GAB4: variants seen among roughly 807,000 people sequenced by gnomAD.
GAB4 encodes the protein GRB2-associated-binding protein 4.
In GAB4, 26 loss-of-function variants were observed where a neutral mutation model predicts 51.3. The ratio of observed to expected loss-of-function variants is 0.51; its 90% CI spans 0.37 to 0.70. GAB4 has a LOEUF of 0.70. Ranked by LOEUF, GAB4 falls within the 30% of genes least tolerant of loss-of-function variation. The probability of loss-of-function intolerance (pLI) is 0.00; values close to 1 mark genes in which losing one functional copy is unlikely to be tolerated. For missense variants in GAB4, 759 were observed against 734.6 expected, an observed-to-expected ratio of 1.03 and a Z score of -0.38; for synonymous variants, 329 against 291.2, an observed-to-expected ratio of 1.13 and a Z score of -1.32.
chr22:16,967,208 A>C (rs1383507466), intron 5 of GAB4: 2 of 152,432 alleles, frequency 1.3e-5, no homozygotes, highest in Non-Finnish European at 2.9e-5. Flanking sequence ...GCCGTGCACC[A>C]TGCAGGTGTG....
chr22:16,968,996 C>G (rs1301693439), intron 4 of GAB4, among the ~76,000 whole-genome samples: 2 of 152,126 alleles, frequency 1.3e-5, no homozygotes, highest in African/African-American at 2.4e-5. Flanking sequence ...TCTCTCATAA[C>G]AGGAAGAATA....
At chr22:17,003,888 T>C (rs1184901926) in intron 1 of GAB4, among the ~76,000 whole-genome samples, 1 of 152,016 alleles carries the variant, frequency 6.6e-6, no homozygotes, top group Non-Finnish European at 1.5e-5. Context: ...GTTTAGGAGC[T>C]GTTTTTTAAA....
At chr22:16,999,895 T>C (rs747530014) in intron 1 of GAB4, among the ~76,000 whole-genome samples, 5 of 152,226 alleles carry the variant, frequency 3.3e-5, no homozygotes, top group Non-Finnish European at 5.9e-5. Flanking sequence ...CTTTTTGTTA[T>C]GTACCCAGTA....
chr22:16,970,312 G>A (rs779671703), intron 3 of GAB4, 119 bp from the exon 4 acceptor site: 2 of 1,136,204 alleles, frequency 1.8e-6, no homozygotes, highest in Non-Finnish European at 2.5e-6. Flanking sequence ...AACACAGGAA[G>A]AGGAATTGGG....
intron 1 of GAB4, among the ~76,000 whole-genome samples, chr22:17,002,690 G>C (rs1242121026): frequency 1.3e-5 from 2 of 152,126 alleles, no homozygotes; most frequent in African/African-American, 4.8e-5. Flanking sequence ...TGGGGGCGAG[G>C]GGGGAGGGAT....
chr22:16,967,124 A>G (rs1210436684), intron 5 of GAB4: 1 of 152,226 alleles, frequency 6.6e-6, no homozygotes, highest in Non-Finnish European at 1.5e-5. Context: ...TGACAAATCT[A>G]TGGGATAAAA....
chr22:16,968,379 G>A lies in GAB4; in HGVS notation c.942C>T (p.Ser314=). ...LTGSEADNEA[S]SGKYTQHGGG... The stretch of plus-strand genomic sequence containing the variant: ...CACCATGCTGGGTGTACTTGCCGGA[G>A]GAAGCTACGACAGAGGAAGGAGATC... The change falls in exon 5 of 10, where the codon TCC becomes TCT. Residue 314 remains serine (S), a synonymous_variant. Transcript: ENST00000400588. 1.2e-6 allele frequency: 2 copies of A among 1,613,548 alleles called. No individual in the cohort carries two copies. The highest frequency in any genetic ancestry group is 1.7e-6 in the Non-Finnish European group (2 of 1,179,494).
At chr22:16,968,746 A>G (rs1196920409) in intron 4 of GAB4, among the ~76,000 whole-genome samples, 2 of 152,224 alleles carry the variant, frequency 1.3e-5, no homozygotes, top group Non-Finnish European at 2.9e-5. Context: ...TATTTTACAC[A>G]TAAATGTGAG....
chr22:16,972,996 C>G (rs1169981019), intron 3 of GAB4, among the ~76,000 whole-genome samples: 1 of 152,228 alleles, frequency 6.6e-6, no homozygotes, highest in African/African-American at 2.4e-5. Context: ...GCGTGCTCCT[C>G]TCAGTGACAC....
intron 3 of GAB4, among the ~76,000 whole-genome samples, chr22:16,979,340 TA>T (rs2060807877): frequency 6.6e-6 from 1 of 152,126 alleles, no homozygotes. Flanking sequence ...AGTCTCAGAA[TA>T]AAAAATCCAC....
At chr22:16,985,307 G>A (rs2060858463) in intron 3 of GAB4, among the ~76,000 whole-genome samples, 1 of 152,190 alleles carries the variant, frequency 6.6e-6, no homozygotes, top group Non-Finnish European at 1.5e-5. Flanking sequence ...CTGTTTCTAT[G>A]TACTGAGTTC....
intron 3 of GAB4, among the ~76,000 whole-genome samples, chr22:16,981,264 A>G (rs2060825487): frequency 6.6e-6 from 1 of 151,526 alleles, no homozygotes; most frequent in Non-Finnish European, 1.5e-5. Flanking sequence ...ACCCCAAATT[A>G]GAAGGAAATA....
intron 3 of GAB4, among the ~76,000 whole-genome samples, chr22:16,985,306 T>C (rs1351698819): frequency 6.6e-6 from 1 of 152,358 alleles, no homozygotes; most frequent in African/African-American, 2.4e-5. Flanking sequence ...TCTGTTTCTA[T>C]GTACTGAGTT....
chr22:16,989,057 A>G (rs1601278329), intron 2 of GAB4, among the ~76,000 whole-genome samples: 1 of 152,186 alleles, frequency 6.6e-6, no homozygotes, highest in East Asian at 1.9e-4. Context: ...TGCCCAGTCC[A>G]CGGGTTTTTG....
At chr22:16,963,873 C>G in intron 8 of GAB4, 44 bp from the exon 9 acceptor site, 1 of 1,477,880 alleles carries the variant, frequency 6.8e-7, no homozygotes. Context: ...GTTCAGGACA[C>G]AGACCCAGCA....
chr22:16,968,258 C>A, intron 5 of GAB4, 40 bp downstream of exon 5: 1 of 1,407,358 alleles, frequency 7.1e-7, no homozygotes, highest in Non-Finnish European at 1.0e-6. Flanking sequence ...CCTTTACCTC[C>A]CTGAGCCAGT....
At chr22:16,990,976 C>G (rs541573383) in intron 2 of GAB4, among the ~76,000 whole-genome samples, 2 of 151,940 alleles carry the variant, frequency 1.3e-5, no homozygotes, top group African/African-American at 4.8e-5. Context: ...ATGGTTTTTA[C>G]ATTTTCAAAG....
chr22:16,999,861 A>G (rs530175063), intron 1 of GAB4, among the ~76,000 whole-genome samples: 1 of 152,284 alleles, frequency 6.6e-6, no homozygotes, highest in East Asian at 1.9e-4. Flanking sequence ...CATTGGTTTC[A>G]AAGAACATCT....
chr22:16,977,889 A>C lies in GAB4; in HGVS notation c.687-7696T>G, dbSNP rs137938716. ...GATTAAGAAACTCACTCAAAAATGCACAACTACATGGAAACTGAACAACCT... is the reference window on the plus strand; with the variant it reads ...GATTAAGAAACTCACTCAAAAATGCCCAACTACATGGAAACTGAACAACCT... On this transcript the variant is annotated intron_variant, in intron 3 of 9. Coordinates refer to ENST00000400588, the MANE Select transcript of GAB4 (RefSeq NM_001037814.1). Among the ~76,000 whole-genome samples the C allele has an allele frequency of 5.2e-4, 79 of 152,356 alleles. No individual in the cohort carries two copies. The East Asian group carries it at 0.015, about 28-fold the overall frequency.
Sources: gnomAD v4.1 joint callset for allele counts (sites outside exome capture counted in the v4.1 genomes callset) on GRCh38, gnomAD v4.1.1 for gene constraint, MANE v1.5 for transcripts, NCBI Gene and HGNC (gene_info 2026-07-23, HGNC 2026-07-21) for gene names.